The following ABLIM2 variants were observed in gnomAD, a reference collection of about 807,000 sequenced individuals.
ABLIM2 encodes the protein actin-binding LIM protein 2.
A neutral mutation model predicts 97.7 loss-of-function variants in ABLIM2; 53 were observed. The observed-to-expected ratio is 0.54, with a 90% CI of 0.44 to 0.68. ABLIM2 has a LOEUF of 0.68. Ranked by LOEUF, ABLIM2 falls within the 30% of genes least tolerant of loss-of-function variation. The pLI is 0.00. For synonymous variants in ABLIM2, 361 were observed against 345.8 expected, an observed-to-expected ratio of 1.04 and a Z score of -0.49; for missense variants, 835 against 867.2, an observed-to-expected ratio of 0.96 and a Z score of 0.47.
chr4:7,992,785 G>C lies in ABLIM2; in HGVS notation c.1680+81C>G, dbSNP rs776199866. On this transcript the variant is annotated intron_variant, in intron 17 of 20. Transcript: ENST00000447017. The surrounding 1 kb of genome is among the most constrained non-coding windows in gnomAD (Gnocchi z 5.7). ...TCCCCGGGGCCTCTCCTCCTGCTGT[G>C]TGGTCAAGAAGCTGTGGGAAACGTG... 1 of 1,496,598 alleles carries C rather than the reference G, an allele frequency of 6.7e-7. No individual in the cohort carries two copies. Among genetic ancestry groups the C allele is most frequent in the Non-Finnish European group, 9.2e-7 (1 of 1,090,884 alleles). 92.7% of individuals were successfully genotyped at this position (1,496,598 alleles called of 1,614,324 possible).
In ABLIM2 at chr4:8,060,999, A is replaced by T; in HGVS notation, c.731T>A (p.Met244Lys). ...SCALCVRCGQ[M>K]FAEGEEMYLQ... is the part of the protein sequence containing the mutation. ...ATACATCTCTTCGCCTTCTGCAAACATCTGGCCGCACCTGACACATAGCGC... is the reference window on the plus strand; with the variant it reads ...ATACATCTCTTCGCCTTCTGCAAACTTCTGGCCGCACCTGACACATAGCGC... The change falls in exon 7 of 21, where the codon ATG becomes AAG. Residue 244 changes from methionine (M) to lysine (K), a missense_variant. Transcript: ENST00000447017. The T allele has an allele frequency of 6.3e-7, 1 of 1,599,180 alleles. No individual in the cohort carries two copies. The highest frequency in any genetic ancestry group is 2.3e-5 in the East Asian group (1 of 44,358).
intron 6 of ABLIM2, among the ~76,000 whole-genome samples, chr4:8,064,142 C>G (rs1045380454): frequency 2.6e-5 from 4 of 152,252 alleles, no homozygotes; most frequent in Non-Finnish European, 5.9e-5. Context: ...CTCGCCATTG[C>G]TCCACAAGCG....
At chr4:8,141,818 C>G (rs1191189756) in intron 1 of ABLIM2, among the ~76,000 whole-genome samples, 1 of 152,244 alleles carries the variant, frequency 6.6e-6, no homozygotes, top group Non-Finnish European at 1.5e-5. Context: ...CACACTGTAT[C>G]TAGGGTCCCA....
At chr4:8,064,056 C>A (rs1333056874) in intron 6 of ABLIM2, among the ~76,000 whole-genome samples, 2 of 152,214 alleles carry the variant, frequency 1.3e-5, no homozygotes, top group Non-Finnish European at 2.9e-5. Flanking sequence ...CCGATCCTAG[C>A]CAATAGAGGA....
intron 11 of ABLIM2, 94 bp downstream of exon 11, chr4:8,029,562 C>G (rs1292095506): frequency 3.1e-6 from 4 of 1,290,856 alleles, no homozygotes; most frequent in Non-Finnish European, 4.0e-6. Context: ...AAGAAAAATG[C>G]CACTTATAAC....
rs1432494748 is a variant in ABLIM2 at position 8,069,668 on chromosome 4, CTG to C, written c.675+7958_675+7959del. Among the ~76,000 whole-genome samples, 1 of 151,772 alleles carries C rather than the reference CTG, an allele frequency of 6.6e-6. No individual in the cohort carries two copies. Among genetic ancestry groups the C allele is most frequent in the Non-Finnish European group, 1.5e-5 (1 of 67,904 alleles). On this transcript the variant is annotated intron_variant, in intron 6 of 20. Transcript: ENST00000447017. The surrounding 1 kb of genome is among the most constrained non-coding windows in gnomAD (Gnocchi z 4.2). The stretch of plus-strand genomic sequence containing the variant: ...CTGTCTTGGTTGTCTGTGTGCATTT[CTG>C]TGTGTCTCTGTGTGTGTTTGTGTGT...
rs746492394 is a variant in ABLIM2 at position 8,061,019 on chromosome 4, T to C, written c.711A>G (p.Leu237=). Residue 237 remains leucine (L), a synonymous_variant, in exon 7 of 21, where the codon CTA becomes CTG. Transcript: ENST00000447017. The surrounding 1 kb of genome is among the most constrained non-coding windows in gnomAD (Gnocchi z 4.5). ...GEKHYHPSCA[L]CVRCGQMFAE... is the part of the protein sequence containing the mutation. ...CAAACATCTGGCCGCACCTGACACA[T>C]AGCGCGCAGGAAGGGTGGTAGTGCT... 15 of 1,598,780 alleles carry C rather than the reference T, an allele frequency of 9.4e-6. No homozygotes were observed. The highest frequency in any genetic ancestry group is 7.9e-5 in the South Asian group (7 of 88,210).
chr4:8,043,637 G>A lies in ABLIM2; in HGVS notation c.900+1527C>T, dbSNP rs1012403028. ...ATGCAAGGAGAGGACGGCCGCCTGC[G>A]GGCCAGGGATGGGGAGCCAACCCTG... On this transcript the variant is annotated intron_variant, in intron 9 of 20. Transcript: ENST00000447017. The surrounding 1 kb of genome is among the most constrained non-coding windows in gnomAD (Gnocchi z 4.8). Among the ~76,000 whole-genome samples, 2 of 152,276 alleles carry A rather than the reference G, an allele frequency of 1.3e-5. No individual in the cohort carries two copies. The highest frequency in any genetic ancestry group is 2.9e-5 in the Non-Finnish European group (2 of 68,034).
intron 2 of ABLIM2, among the ~76,000 whole-genome samples, chr4:8,104,473 T>A (rs1836206382): frequency 6.6e-6 from 1 of 152,190 alleles, no homozygotes. Context: ...GCTGTGGATG[T>A]ACAGGGAATC....
Position 8,149,460 on chromosome 4 carries a change from T to G in ABLIM2, c.10+9220A>C, listed in dbSNP as rs774953675. 2.6e-5 allele frequency among the ~76,000 whole-genome samples: 4 copies of G among 151,064 alleles called. No individual in the cohort carries two copies. The highest frequency in any genetic ancestry group is 5.9e-5 in the Non-Finnish European group (4 of 67,836). ...CAGAGCAGGCAGGAGCAGGCACAAATCTCCACAGGAAACCCCAGCTTGGTC... is the reference window on the plus strand; with the variant it reads ...CAGAGCAGGCAGGAGCAGGCACAAAGCTCCACAGGAAACCCCAGCTTGGTC... On this transcript the variant is annotated intron_variant, in intron 1 of 20. Coordinates refer to ENST00000447017, the MANE Select transcript of ABLIM2 (RefSeq NM_001130083.2). The surrounding 1 kb of genome is among the most constrained non-coding windows in gnomAD (Gnocchi z 6.4).
Position 8,071,692 on chromosome 4 carries a change from A to AT in ABLIM2, c.675+5935_675+5936insA. On this transcript the variant is annotated intron_variant, in intron 6 of 20. Transcript: ENST00000447017. The surrounding 1 kb of genome is among the most constrained non-coding windows in gnomAD (Gnocchi z 6.2). ...CACACCTGACTGCTCTGTCCCCAAA[A>AT]ACCCACCCACCCGCAGCCCCTCCTG... The AT allele has an allele frequency of 1.8e-5, 17 of 937,526 alleles. No homozygotes were observed. Among genetic ancestry groups the AT allele is most frequent in the Middle Eastern group, 5.4e-4 (1 of 1,842 alleles). The allele number at this position is 937,526 out of a possible 1,614,324, so 58.1% of individuals were successfully genotyped here.
chr4:8,018,913 C>T (rs74842137), intron 14 of ABLIM2, among the ~76,000 whole-genome samples: 2,507 of 152,268 alleles, frequency 0.016, 33 homozygotes, highest in Middle Eastern at 0.031. Context: ...TGGAGGGGAT[C>T]GGTCCTGTTT....
At chr4:8,080,421 CA>C (rs35787952) in intron 5 of ABLIM2, among the ~76,000 whole-genome samples, 3 of 152,048 alleles carry the variant, frequency 2.0e-5, no homozygotes, top group African/African-American at 7.2e-5. Flanking sequence ...GCTTCTCATC[CA>C]AAAAAAGGAG....
At chr4:8,091,319 T>TGA (rs1827403960) in intron 3 of ABLIM2, among the ~76,000 whole-genome samples, 1 of 40,828 alleles carries the variant, frequency 2.4e-5, no homozygotes. Flanking sequence ...ATATATATAA[T>TGA]TATATATATA....
rs79190591 is a variant in ABLIM2 at position 7,976,140 on chromosome 4, T to C, written c.1824+7124A>G. ...CAGTCTTGTGAATAAATTTTTCCTCTTTTGTGAAATCCACTGTCACAGTGA... is the reference window on the plus strand; with the variant it reads ...CAGTCTTGTGAATAAATTTTTCCTCCTTTGTGAAATCCACTGTCACAGTGA... On this transcript the variant is annotated intron_variant, in intron 20 of 20. Transcript: ENST00000447017. Among the ~76,000 whole-genome samples, 1,512 of 152,312 alleles carry C rather than the reference T, an allele frequency of 9.9e-3. 25 individuals carry two copies. The highest frequency in any genetic ancestry group is 0.035 in the African/African-American group (1,436 of 41,542).
intron 10 of ABLIM2, among the ~76,000 whole-genome samples, chr4:8,030,429 C>T (rs1393279469): frequency 6.6e-6 from 1 of 152,186 alleles, no homozygotes; most frequent in Admixed American, 6.5e-5. Context: ...ATTACATGGC[C>T]CAGCCCAGTG....
chr4:8,078,089 C>T (rs1817430607), intron 5 of ABLIM2, among the ~76,000 whole-genome samples: 1 of 152,180 alleles, frequency 6.6e-6, no homozygotes, highest in South Asian at 2.1e-4. Flanking sequence ...CCTTAGAAAA[C>T]TGTGAGCCAA....
At chr4:8,018,778 C>A (rs911956382) in intron 14 of ABLIM2, among the ~76,000 whole-genome samples, 2 of 152,182 alleles carry the variant, frequency 1.3e-5, no homozygotes, top group African/African-American at 2.4e-5. Flanking sequence ...TATGGAAATG[C>A]CTTTTCCCAT....
chr4:8,024,410 TG>T (rs947371888), intron 12 of ABLIM2, among the ~76,000 whole-genome samples: 6 of 150,766 alleles, frequency 4.0e-5, no homozygotes, highest in African/African-American at 1.2e-4. Flanking sequence ...CAGCATTCGG[TG>T]GGGGGTGGGG....
Sources: gnomAD v4.1 joint callset for allele counts (sites outside exome capture counted in the v4.1 genomes callset) on GRCh38, gnomAD v4.1.1 for gene constraint, Gnocchi (gnomAD v3.1) non-coding constraint, MANE v1.5 for transcripts, NCBI Gene and HGNC (gene_info 2026-07-23, HGNC 2026-07-21) for gene names.